Variants in PLA2G12A observed in about 807,000 individuals in gnomAD.
The protein encoded by PLA2G12A is phospholipase A2 group XIIA, also known as group XIIA secretory phospholipase A2.
A neutral mutation model predicts 16.0 loss-of-function variants in PLA2G12A; 11 were observed. That is an observed-to-expected ratio of 0.69 (90% CI 0.43 to 1.13). The LOEUF (loss-of-function observed/expected upper bound fraction) is 1.13. Among genes scored for constraint, PLA2G12A ranks in the 50% most tolerant of loss-of-function variants. The probability of loss-of-function intolerance (pLI) is 0.00; values close to 1 mark genes in which losing one functional copy is unlikely to be tolerated. For synonymous variants in PLA2G12A, 77 were observed against 93.8 expected (o/e 0.82, Z 1.03); for missense variants, 214 against 237.3 (o/e 0.90, Z 0.65).
At chr4:109,720,587 AAAAAAAAAAAAAAAAAAATATAT>A (rs1341693018) in intron 1 of PLA2G12A, among the ~76,000 whole-genome samples, 52 of 50,570 alleles carry the variant, frequency 1.0e-3, no homozygotes, top group African/African-American at 3.3e-3. Context: ...AAAAAAAAAA[AAAAAAAAAAAAAAAAAAATATAT>A]ATATATATAT....
chr4:109,719,979 T>C (rs760764290), intron 1 of PLA2G12A, among the ~76,000 whole-genome samples: 7 of 152,200 alleles, frequency 4.6e-5, no homozygotes, highest in Non-Finnish European at 1.0e-4. Flanking sequence ...TATGCTTGTA[T>C]AGAAATCACT....
chr4:109,714,575 C>T (rs980400065), intron 3 of PLA2G12A, 80 bp from the exon 4 acceptor site: 29 of 892,218 alleles, frequency 3.3e-5, no homozygotes, highest in Non-Finnish European at 5.3e-5. Flanking sequence ...AGCACAGCAA[C>T]AAGCATATCC....
chr4:109,729,805 G>C lies in PLA2G12A; in HGVS notation c.5C>G (p.Ala2Gly), dbSNP rs1449655299. 6 of 1,549,934 alleles carry C rather than the reference G, an allele frequency of 3.9e-6. No homozygotes were observed. The African/African-American group carries it at 6.8e-5, about 18-fold the overall frequency. Residue 2 changes from alanine to glycine, a missense_variant, in exon 1 of 4, where the codon GCC becomes GGC. Transcript: ENST00000243501. M[A>G]LLSRPALTLL... ...GGTGAGCGCGGGGCGCGAGAGCAGG[G>C]CCATGCGCGCAGCGCCGGGCTCTAC...
chr4:109,724,702 GAGAGT>G lies in PLA2G12A; in HGVS notation c.208+4895_208+4899del, dbSNP rs1169945831. Among the ~76,000 whole-genome samples the G allele has an allele frequency of 4.6e-5, 7 of 152,302 alleles. No individual in the cohort carries two copies. In the East Asian group the frequency reaches 9.7e-4, roughly 21 times the overall value. On this transcript the variant is annotated intron_variant, in intron 1 of 3. Transcript: ENST00000243501. ...AAAACTAAAAACATGCCCACCATAG[GAGAGT>G]AAAGAGGAAGAGATAGTACAGAGAA...
rs1005523540 is a variant in PLA2G12A, at chr4:109,717,406, C to G, written c.451+142G>C. 1.8e-5 allele frequency: 16 copies of G among 879,670 alleles called. No homozygotes were observed. The African/African-American group carries it at 2.4e-4, about 13-fold the overall frequency. 54.5% of individuals were successfully genotyped at this position (879,670 alleles called of 1,614,324 possible). Reference sequence around the variant, plus strand: ...TTTTAGATTATAAAATCATCAGCTCCTCACCTCAGAAAATTGAAGTCTGTG... The same window carrying G: ...TTTTAGATTATAAAATCATCAGCTCGTCACCTCAGAAAATTGAAGTCTGTG... On this transcript the variant is annotated intron_variant, in intron 3 of 3. Transcript: ENST00000243501.
rs915999850 is a variant in PLA2G12A, at chr4:109,726,533, G to T, written c.208+3069C>A. On this transcript the variant is annotated intron_variant, in intron 1 of 3. Transcript: ENST00000243501. ...GTCTTTTGTCTGGACTCCTGCATGC[G>T]TCACCCTGCTTCCATTTTTACTCCC... Among the ~76,000 whole-genome samples, 13 of 152,092 alleles carry T rather than the reference G, an allele frequency of 8.5e-5. No homozygotes were observed. In the South Asian group the frequency reaches 2.7e-3, roughly 32 times the overall value.
In PLA2G12A at chr4:109,714,210, C is replaced by A; in HGVS notation, c.*167G>T. 1 of 638,524 alleles carries A rather than the reference C, an allele frequency of 1.6e-6. No individual in the cohort carries two copies. The highest frequency in any genetic ancestry group is 1.9e-5 in the South Asian group (1 of 53,598). 39.6% of individuals were successfully genotyped at this position (638,524 alleles called of 1,614,324 possible). On this transcript the variant is annotated 3_prime_UTR_variant, in exon 4 of 4. Coordinates refer to ENST00000243501, the MANE Select transcript of PLA2G12A (RefSeq NM_030821.5). ...CAAGCGTGCCCTCCCCTCACTATCT[C>A]CCTCACTTTTTTTGCTTTGAGGTTT...
At chr4:109,719,845 G>GCACCGAT (rs1222503081) in intron 1 of PLA2G12A, among the ~76,000 whole-genome samples, 4 of 152,128 alleles carry the variant, frequency 2.6e-5, no homozygotes, top group Admixed American at 2.0e-4. Flanking sequence ...GGGAAATATG[G>GCACCGAT]CACCGATAGA....
intron 2 of PLA2G12A, among the ~76,000 whole-genome samples, chr4:109,718,188 T>G (rs1417427287): frequency 6.6e-6 from 1 of 152,192 alleles, no homozygotes; most frequent in Non-Finnish European, 1.5e-5. Context: ...CTTTAAATAT[T>G]TCTCCATTCC....
rs1425164114 is a variant in PLA2G12A, at chr4:109,710,449, T to C, written c.*3928A>G. 1 of 152,092 alleles carries C rather than the reference T, an allele frequency of 6.6e-6. No homozygotes were observed. Among genetic ancestry groups the C allele is most frequent in the Non-Finnish European group, 1.5e-5 (1 of 68,024 alleles). 9.4% of individuals were successfully genotyped at this position (152,092 alleles called of 1,614,324 possible). Reference sequence around the variant, plus strand: ...ATCACTCTTTTAAATTTAGAGAGAGTTGGTTTTAGGCTAACAATTTTTTTT... The same window carrying C: ...ATCACTCTTTTAAATTTAGAGAGAGCTGGTTTTAGGCTAACAATTTTTTTT... On this transcript the variant is annotated 3_prime_UTR_variant, in exon 4 of 4. Transcript: ENST00000243501.
intron 1 of PLA2G12A, among the ~76,000 whole-genome samples, chr4:109,722,780 C>T (rs1722834279): frequency 6.6e-6 from 1 of 152,232 alleles, no homozygotes; most frequent in Non-Finnish European, 1.5e-5. Context: ...TATCACTAAT[C>T]TACCTATTTT....
chr4:109,720,629 ATATATATATATATATG>A, intron 1 of PLA2G12A, among the ~76,000 whole-genome samples: 1 of 132,298 alleles, frequency 7.6e-6, no homozygotes, highest in African/African-American at 2.9e-5. Context: ...ATATATATAT[ATATATATATATATATG>A]AATTTTAAAA....
chr4:109,723,768 G>A (rs1722862513), intron 1 of PLA2G12A, among the ~76,000 whole-genome samples: 1 of 152,142 alleles, frequency 6.6e-6, no homozygotes, highest in African/African-American at 2.4e-5. Flanking sequence ...TCTGAAAAAA[G>A]TACAATAAAT....
intron 1 of PLA2G12A, among the ~76,000 whole-genome samples, chr4:109,724,175 G>A (rs1380012452): frequency 1.3e-5 from 2 of 152,220 alleles, no homozygotes; most frequent in African/African-American, 4.8e-5. Flanking sequence ...GCCCAGGCTG[G>A]AGTGCAATGG....
intron 3 of PLA2G12A, among the ~76,000 whole-genome samples, chr4:109,716,156 C>T (rs960064674): frequency 6.6e-6 from 1 of 152,146 alleles, no homozygotes; most frequent in Non-Finnish European, 1.5e-5. Context: ...TTACCTTAGC[C>T]AAAAGCTGCA....
intron 1 of PLA2G12A, among the ~76,000 whole-genome samples, chr4:109,725,041 C>G (rs954973165): frequency 1.3e-5 from 2 of 152,084 alleles, no homozygotes; most frequent in African/African-American, 4.8e-5. Flanking sequence ...AATAGCACCC[C>G]CTCTCTTTCT....
intron 1 of PLA2G12A, among the ~76,000 whole-genome samples, chr4:109,727,973 T>C (rs1467945906): frequency 1.3e-5 from 2 of 152,224 alleles, no homozygotes; most frequent in African/African-American, 2.4e-5. Context: ...GGCAACCGTT[T>C]CCTTCCTTTG....
chr4:109,724,655 A>T (rs1177599381), intron 1 of PLA2G12A, among the ~76,000 whole-genome samples: 3 of 152,200 alleles, frequency 2.0e-5, no homozygotes, highest in Non-Finnish European at 4.4e-5. Flanking sequence ...TGGGAGAATG[A>T]TCAGACACAA....
chr4:109,727,714 TTGCTTGAGCCCAGGAG>T, intron 1 of PLA2G12A, among the ~76,000 whole-genome samples: 1 of 152,048 alleles, frequency 6.6e-6, no homozygotes, highest in Admixed American at 6.6e-5. Context: ...GGCAGGAGAA[TTGCTTGAGCCCAGGAG>T]TTGGAGGCTG....
Sources: allele counts gnomAD v4.1 joint callset (sites outside exome capture counted in the v4.1 genomes callset), GRCh38; gene constraint gnomAD v4.1.1; transcripts MANE v1.5; gene names NCBI Gene and HGNC (gene_info 2026-07-23, HGNC 2026-07-21).